DOK4: variants seen among roughly 807,000 people sequenced by gnomAD.
DOK4 encodes the protein docking protein 4.
DOK4 carries 26 observed loss-of-function variants against 40.1 expected under a neutral mutation model. That is an observed-to-expected ratio of 0.65 (90% CI 0.48 to 0.90). The LOEUF (loss-of-function observed/expected upper bound fraction) is 0.90, where lower values mean the gene tolerates loss of function less well. Ranked by LOEUF, DOK4 falls within the 40% of genes least tolerant of loss-of-function variation. DOK4 has a pLI of 0.00. For missense variants in DOK4, 392 were observed against 437.2 expected (o/e 0.90, Z 0.92); for synonymous variants, 179 against 177.0 (o/e 1.01, Z -0.09).
At chr16:57,472,992 T>G in exon 9 of DOK4, 2 of 180,038 alleles carry the variant, frequency 1.1e-5, no homozygotes, top group Non-Finnish European at 2.3e-5. Flanking sequence ...GGCTGTGCCA[T>G]GGAGGATGGA....
At chr16:57,475,362 C>T (rs1446249111) in intron 4 of DOK4, 143 bp from the exon 5 acceptor site, 2 of 1,450,082 alleles carry the variant, frequency 1.4e-6, no homozygotes, top group African/African-American at 1.4e-5. Context: ...CCCTGAGGGC[C>T]TGCTCCCTGA....
chr16:57,476,344 C>T (rs2031182901), intron 2 of DOK4: 1 of 175,904 alleles, frequency 5.7e-6, no homozygotes, highest in South Asian at 1.4e-4. Flanking sequence ...TTATCATCCC[C>T]ATTTTATAGA....
chr16:57,475,875 G>A (rs2031154451), exon 3 of DOK4: 16 of 1,613,014 alleles, frequency 9.9e-6, no homozygotes, highest in African/African-American at 2.7e-5. Context: ...GAGGCACACC[G>A]ACTTCTCATC....
chr16:57,475,645 TAGCC>T, intron 3 of DOK4, 25 bp from the exon 4 acceptor site: 1 of 1,442,242 alleles, frequency 6.9e-7, no homozygotes. Flanking sequence ...ACAAGGGACT[TAGCC>T]AGGCCAGTGC....
chr16:57,473,301 G>C (rs538234898), exon 9 of DOK4: 1 of 1,524,656 alleles, frequency 6.6e-7, no homozygotes, highest in East Asian at 2.3e-5. Context: ...AGCCCCCTGA[G>C]GCTGTCCACG....
exon 9 of DOK4, chr16:57,473,076 G>A (rs771833717): frequency 2.8e-6 from 1 of 359,992 alleles, no homozygotes; most frequent in Admixed American, 4.3e-5. Context: ...GTGTGTATTG[G>A]TGGGGAAGGA....
At chr16:57,473,310 C>G (rs1005142962) in exon 9 of DOK4, 3 of 1,551,468 alleles carry the variant, frequency 1.9e-6, no homozygotes, top group East Asian at 2.3e-5. Flanking sequence ...AGGCTGTCCA[C>G]GGTACACTGC....
intron 6 of DOK4, 107 bp downstream of exon 6, chr16:57,474,686 C>G (rs1355591435): frequency 7.2e-7 from 1 of 1,387,148 alleles, no homozygotes; most frequent in Admixed American, 2.1e-5. Flanking sequence ...CTTGGGATTG[C>G]TAGGCCAATA....
Position 57,473,955 on chromosome 16 carries a change from C to T in DOK4, c.684G>A (p.Leu228=), listed in dbSNP as rs1374327796. Reference sequence around the variant, plus strand: ...CCCGCTTGTGCTGCTCTGCGATGGCCAGGGTGGCACTGTGGACGCGCTGGT... The same window carrying T: ...CCCGCTTGTGCTGCTCTGCGATGGCTAGGGTGGCACTGTGGACGCGCTGGT... Residue 228 remains leucine (L), a synonymous_variant, in exon 7 of 9, where the codon CTG becomes CTA. Coordinates refer to ENST00000340099, the Ensembl canonical transcript of DOK4. 3.7e-6 allele frequency: 6 copies of T among 1,614,060 alleles called. 1 individual carries two copies. In the Admixed American group the frequency reaches 1.0e-4, roughly 27 times the overall value.
upstream of DOK4, among the ~76,000 whole-genome samples, chr16:57,486,778 A>G (rs3760067): frequency 0.38 from 57,762 of 150,148 alleles, 12,975 homozygotes; most frequent in Non-Finnish European, 0.51. Context: ...GGAATCACAT[A>G]CACACCCATA....
exon 5 of DOK4, chr16:57,475,119 C>T: frequency 6.2e-7 from 1 of 1,613,936 alleles, no homozygotes; most frequent in Non-Finnish European, 8.5e-7. Flanking sequence ...CACACTGCAC[C>T]CCTGGGGCCA....
At position 57,479,576 on chromosome 16, in the gene DOK4, C is replaced by A; in HGVS notation, c.-69G>T. ...GGGAAGGATGCCCAGGTGCCTGGGT[C>A]TCCGGCTCCTCCAATCACCTGTTCC... On this transcript the variant is annotated 5_prime_UTR_variant, in exon 2 of 9. Transcript: ENST00000340099. This position sits in a 1 kb window ranked among gnomAD's most constrained non-coding sequence, Gnocchi z 5.8. 1.3e-6 allele frequency: 2 copies of A among 1,540,636 alleles called. No individual in the cohort carries two copies. Among genetic ancestry groups the A allele is most frequent in the Middle Eastern group, 1.7e-4 (1 of 5,932 alleles).
intron 1 of DOK4, among the ~76,000 whole-genome samples, chr16:57,480,673 G>A (rs1388883701): frequency 6.6e-6 from 1 of 152,116 alleles, no homozygotes; most frequent in Non-Finnish European, 1.5e-5. Flanking sequence ...AGACAATGTG[G>A]GATACCAAGG....
At chr16:57,475,561 C>T (rs1183924563) in exon 4 of DOK4, 1 of 1,610,420 alleles carries the variant, frequency 6.2e-7, no homozygotes, top group South Asian at 1.1e-5. Context: ...TGGCCACCGC[C>T]TGCCGCTTGG....
rs1367276446 is a variant in DOK4 at position 57,480,823 on chromosome 16, A to T, written c.-181-1135T>A. On this transcript the variant is annotated intron_variant, in intron 1 of 8. Transcript: ENST00000340099. ...ACCCCTTCATTTTATAGATGGAGAA[A>T]GAAAAGTTGCCCAGAGAGGGTAAGC... 2.6e-5 allele frequency among the ~76,000 whole-genome samples: 4 copies of T among 152,192 alleles called. No individual in the cohort carries two copies. The East Asian group carries it at 7.7e-4, about 29-fold the overall frequency.
In DOK4 at chr16:57,479,698, A is replaced by G. The variant is rs2031345838; in HGVS notation, c.-181-10T>C. 1.8e-6 allele frequency: 1 copy of G among 542,736 alleles called. No homozygotes were observed. The allele number at this position is 542,736 out of a possible 1,614,324, so 33.6% of individuals were successfully genotyped here. On this transcript the variant is annotated splice_polypyrimidine_tract_variant and intron_variant, in intron 1 of 8. Transcript: ENST00000340099. The surrounding 1 kb of genome is among the most constrained non-coding windows in gnomAD (Gnocchi z 5.8). ...CTTCGCCCCGCGCCTGCTGGAAATA[A>G]AAATGACAGGGAGATTAGAGACAGT...
chr16:57,474,307 G>A (rs1407491057), intron 6 of DOK4, among the ~76,000 whole-genome samples: 1 of 152,134 alleles, frequency 6.6e-6, no homozygotes, highest in Non-Finnish European at 1.5e-5. Context: ...TTTCCTCATT[G>A]TTATGCATTT....
chr16:57,481,140 G>A (rs2031395277), intron 1 of DOK4, among the ~76,000 whole-genome samples: 1 of 152,218 alleles, frequency 6.6e-6, no homozygotes, highest in South Asian at 2.1e-4. Context: ...GGTTGTGCCA[G>A]CAGCTTGGCA....
At chr16:57,482,054 C>T (rs1305877501) in intron 1 of DOK4, among the ~76,000 whole-genome samples, 8 of 152,156 alleles carry the variant, frequency 5.3e-5, no homozygotes, top group East Asian at 1.9e-4. Flanking sequence ...TTAGTAGAGA[C>T]GGGGTTTCAC....
Sources: allele counts gnomAD v4.1 joint callset (sites outside exome capture counted in the v4.1 genomes callset), GRCh38; gene constraint gnomAD v4.1.1; non-coding constraint Gnocchi (gnomAD v3.1); transcripts MANE v1.5; gene names NCBI Gene and HGNC (gene_info 2026-07-23, HGNC 2026-07-21).